The following CFH variants were observed in gnomAD, a reference collection of about 807,000 sequenced individuals.
The protein encoded by CFH is H factor 1 (complement).
In CFH, 53 loss-of-function variants were observed where a neutral mutation model predicts 147.3. The observed-to-expected ratio is 0.36, with a 90% CI of 0.29 to 0.45. The LOEUF is 0.45. Among genes scored for constraint, CFH ranks in the 20% least tolerant of loss-of-function variants. The probability of loss-of-function intolerance (pLI) is 1.00; values close to 1 mark genes in which losing one functional copy is unlikely to be tolerated. For synonymous variants in CFH, 536 were observed against 489.4 expected, an observed-to-expected ratio of 1.10 and a Z score of -1.26; for missense variants, 1,380 against 1,498.0, an observed-to-expected ratio of 0.92 and a Z score of 1.30.
chr1:196,713,226 A>C (rs1205478823), intron 9 of CFH, among the ~76,000 whole-genome samples: 1 of 152,064 alleles, frequency 6.6e-6, no homozygotes, highest in Non-Finnish European at 1.5e-5. Context: ...GTCTTCTTTG[A>C]ACTCCACATG....
At chr1:196,737,412 T>C in intron 16 of CFH, 63 bp from the exon 17 acceptor site, 3 of 1,171,630 alleles carry the variant, frequency 2.6e-6, no homozygotes, top group Non-Finnish European at 3.7e-6. Context: ...TAGTATTTAG[T>C]TTTATATTTC....
intron 9 of CFH, among the ~76,000 whole-genome samples, chr1:196,698,160 TA>T (rs1033239636): frequency 2.0e-5 from 3 of 151,272 alleles, no homozygotes; most frequent in Non-Finnish European, 3.0e-5. Flanking sequence ...ATAATAATAA[TA>T]AAAAAAGAAT....
chr1:196,708,924 A>G (rs1392999942), intron 9 of CFH, among the ~76,000 whole-genome samples: 10 of 152,166 alleles, frequency 6.6e-5, no homozygotes, highest in African/African-American at 2.4e-4. Flanking sequence ...ATGATCAGAA[A>G]CTTATTGGCA....
chr1:196,668,364 A>C (rs1005713545), intron 1 of CFH, among the ~76,000 whole-genome samples: 1 of 152,162 alleles, frequency 6.6e-6, no homozygotes, highest in Non-Finnish European at 1.5e-5. Context: ...AATTTTCAGC[A>C]CTTTAGTAAT....
chr1:196,688,772 G>C (rs944592912), intron 7 of CFH, among the ~76,000 whole-genome samples: 1 of 151,914 alleles, frequency 6.6e-6, no homozygotes, highest in African/African-American at 2.4e-5. Context: ...CACCAGGCCC[G>C]GCTAATTTTT....
Position 196,687,657 on chromosome 1 carries a change from C to T in CFH, c.965-1763C>T, listed in dbSNP as rs115059887. Among the ~76,000 whole-genome samples the T allele has an allele frequency of 5.8e-3, 883 of 151,822 alleles. 10 individuals are homozygous for T. The highest frequency in any genetic ancestry group is 0.02 in the African/African-American group (834 of 41,436). On this transcript the variant is annotated intron_variant, in intron 7 of 21. Coordinates refer to ENST00000367429, the MANE Select transcript of CFH (RefSeq NM_000186.4). The stretch of plus-strand genomic sequence containing the variant: ...CACAAATCCAAGACTCAAGCTTTCC[C>T]AATGCAGAATTATTGTTAAATAATA...
rs1466527051 is a variant in CFH at position 196,715,714 on chromosome 1, C to A, written c.1641C>A (p.Thr547=). The change falls in exon 11 of 22, where the codon ACC becomes ACA. Residue 547 remains threonine, a synonymous_variant. Transcript: ENST00000367429. ...GTTATGAAAGCAATACTGGAAGCAC[C>A]ACTGGTTCCATAGTGTGTGGTTACA... ...HDGYESNTGS[T]TGSIVCGYNG... The A allele has an allele frequency of 1.1e-5, 17 of 1,612,458 alleles. No homozygotes were observed. The highest frequency in any genetic ancestry group is 2.2e-5 in the East Asian group (1 of 44,748).
chr1:196,746,833 T>A (rs1490346980), intron 21 of CFH, among the ~76,000 whole-genome samples: 7 of 152,154 alleles, frequency 4.6e-5, no homozygotes, highest in Non-Finnish European at 1.0e-4. Context: ...GCAGCAATGA[T>A]AAGTTCTAAA....
At chr1:196,679,989 A>C (rs1421499486) in intron 6 of CFH, among the ~76,000 whole-genome samples, 196 bp downstream of exon 6, 1 of 151,908 alleles carries the variant, frequency 6.6e-6, no homozygotes. Flanking sequence ...CTCTGAAAAC[A>C]GACATAAACA....
chr1:196,737,997 A>C (rs1284028595), intron 17 of CFH, among the ~76,000 whole-genome samples: 2 of 152,144 alleles, frequency 1.3e-5, no homozygotes, highest in Non-Finnish European at 2.9e-5. Context: ...TGCATGGCTG[A>C]GGAGGTCTTA....
intron 1 of CFH, among the ~76,000 whole-genome samples, chr1:196,654,723 G>C (rs1264911988): frequency 6.6e-6 from 1 of 150,650 alleles, no homozygotes; most frequent in Non-Finnish European, 1.5e-5. Context: ...AATACTGGCT[G>C]TGTTGTTTGG....
At chr1:196,725,402 T>A in intron 12 of CFH, 105 bp downstream of exon 12, 1 of 1,078,850 alleles carries the variant, frequency 9.3e-7, no homozygotes, top group South Asian at 1.3e-5. Context: ...ATCTAATGAA[T>A]TAAGTCAAAT....
intron 1 of CFH, among the ~76,000 whole-genome samples, chr1:196,655,633 A>G (rs1666660182): frequency 6.6e-6 from 1 of 152,052 alleles, no homozygotes; most frequent in African/African-American, 2.4e-5. Context: ...GTCTTTTGCC[A>G]CTTTTCATTC....
chr1:196,652,225 C>A, intron 1 of CFH, 50 bp downstream of exon 1: 1 of 1,372,684 alleles, frequency 7.3e-7, no homozygotes, highest in Non-Finnish European at 1.0e-6. Context: ...GAAACATTTG[C>A]TAATGATGCT....
chr1:196,689,966 CT>C, intron 8 of CFH, 96 bp from the exon 9 acceptor site: 3 of 1,312,526 alleles, frequency 2.3e-6, no homozygotes, highest in Non-Finnish European at 2.1e-6. Flanking sequence ...TTTATGCAAT[CT>C]TATTTAAATA....
At chr1:196,727,024 A>G in intron 14 of CFH, 84 bp downstream of exon 14, 1 of 1,213,846 alleles carries the variant, frequency 8.2e-7, no homozygotes, top group Non-Finnish European at 1.2e-6. Flanking sequence ...TATTTTTGAA[A>G]TTTACAGATA....
intron 11 of CFH, among the ~76,000 whole-genome samples, chr1:196,722,245 G>A (rs1281620060): frequency 2.6e-5 from 4 of 152,060 alleles, no homozygotes; most frequent in Non-Finnish European, 5.9e-5. Flanking sequence ...AATTCCTAAA[G>A]TGGATTTCTA....
At position 196,725,210 on chromosome 1, in the gene CFH, T is replaced by A; in HGVS notation, c.1786T>A (p.Ser596Thr). The part of the protein sequence containing the change: ...QYKVGEVLKF[S>T]CKPGFTIVGP... ...TAAAGTTGGAGAGGTGTTGAAATTC[T>A]CCTGCAAACCAGGATTTACAATAGT... Residue 596 changes from serine to threonine, a missense_variant, in exon 12 of 22, where the codon TCC (serine) becomes ACC (threonine). By Grantham distance (58) the Ser-to-Thr change is moderately conservative. Transcript: ENST00000367429. The A allele has an allele frequency of 6.2e-7, 1 of 1,613,962 alleles. No individual in the cohort carries two copies. Among genetic ancestry groups the A allele is most frequent in the East Asian group, 2.2e-5 (1 of 44,830 alleles).
intron 10 of CFH, among the ~76,000 whole-genome samples, chr1:196,714,713 A>G (rs1668825434): frequency 1.6e-5 from 2 of 125,220 alleles, no homozygotes; most frequent in African/African-American, 5.8e-5. Flanking sequence ...AGAGAGAGAG[A>G]GAGAGATGGA....
Sources: allele counts gnomAD v4.1 joint callset (sites outside exome capture counted in the v4.1 genomes callset), GRCh38; gene constraint gnomAD v4.1.1; transcripts MANE v1.5; gene names NCBI Gene and HGNC (gene_info 2026-07-23, HGNC 2026-07-21).